The following SGCZ variants were observed in gnomAD, a reference collection of about 807,000 sequenced individuals.
SGCZ encodes the protein sarcoglycan zeta.
In SGCZ, 40 loss-of-function variants were observed where a neutral mutation model predicts 41.3. The observed-to-expected ratio is 0.97, with a 90% CI of 0.75 to 1.26. The LOEUF (loss-of-function observed/expected upper bound fraction) is 1.26, where lower values mean the gene tolerates loss of function less well. SGCZ is among the 50% of genes most tolerant of loss of function. The pLI, the probability that SGCZ is intolerant of heterozygous loss-of-function variation, is 0.00. For synonymous variants in SGCZ, 206 were observed against 137.5 expected (o/e 1.50, Z -3.49); for missense variants, 552 against 369.8 (o/e 1.49, Z -4.04).
intron 2 of SGCZ, among the ~76,000 whole-genome samples, chr8:14,457,889 G>C (rs1334833044): frequency 6.6e-6 from 1 of 152,114 alleles, no homozygotes; most frequent in East Asian, 1.9e-4. Flanking sequence ...CCGCGCATTG[G>C]TGGTAGTGGT....
At chr8:14,664,815 T>A (rs1426956115) in intron 1 of SGCZ, among the ~76,000 whole-genome samples, 2 of 152,174 alleles carry the variant, frequency 1.3e-5, no homozygotes. Context: ...CTGAGAAACA[T>A]GTTCAAAGAA....
rs368774583 is a variant in SGCZ, at chr8:14,146,859, G to A, written c.547+17721C>T. On this transcript the variant is annotated intron_variant, in intron 5 of 7. Coordinates refer to ENST00000382080, the MANE Select transcript of SGCZ (RefSeq NM_139167.4). ...TGCACTCCAGCCTGGGCGACAGAGC[G>A]AGACTCCGTCTCAAAAAATAAAAAT... is the stretch of plus-strand genomic sequence containing the variant. 6.1e-4 allele frequency among the ~76,000 whole-genome samples: 69 copies of A among 114,038 alleles called. 6 individuals are homozygous for A. The highest frequency in any genetic ancestry group is 9.9e-4 in the Non-Finnish European group (54 of 54,306). The allele number at this position is 114,038 out of a possible 152,430, so 74.8% of individuals were successfully genotyped here.
intron 1 of SGCZ, among the ~76,000 whole-genome samples, chr8:15,101,328 T>C (rs1480188670): frequency 6.6e-6 from 1 of 152,116 alleles, no homozygotes; most frequent in African/African-American, 2.4e-5. Context: ...GAAAACATTT[T>C]AAAACTCATG....
chr8:14,971,926 G>C (rs957478927), intron 1 of SGCZ, among the ~76,000 whole-genome samples: 7 of 151,926 alleles, frequency 4.6e-5, no homozygotes, highest in Non-Finnish European at 7.4e-5. Flanking sequence ...ATATACTTTT[G>C]CATGCTATTT....
intron 2 of SGCZ, among the ~76,000 whole-genome samples, chr8:14,497,254 C>T (rs1305330736): frequency 6.6e-6 from 1 of 152,148 alleles, no homozygotes; most frequent in Non-Finnish European, 1.5e-5. Context: ...GACATCTGTT[C>T]TTGGCAAGGC....
At chr8:14,764,850 TC>T (rs1162100302) in intron 1 of SGCZ, among the ~76,000 whole-genome samples, 4 of 152,336 alleles carry the variant, frequency 2.6e-5, no homozygotes, top group Non-Finnish European at 4.4e-5. Context: ...GTATTATTTT[TC>T]TTAAGAAATA....
At chr8:14,123,974 T>C (rs555882255) in intron 5 of SGCZ, among the ~76,000 whole-genome samples, 1 of 152,084 alleles carries the variant, frequency 6.6e-6, no homozygotes, top group East Asian at 1.9e-4. Context: ...GTTGTTAACT[T>C]TGAAGATAGA....
intron 4 of SGCZ, among the ~76,000 whole-genome samples, chr8:14,191,984 A>C (rs1287927981): frequency 6.6e-6 from 1 of 152,140 alleles, no homozygotes; most frequent in Non-Finnish European, 1.5e-5. Flanking sequence ...GATATTTCTT[A>C]ATAACCCTTT....
At chr8:15,068,883 T>C (rs914051000) in intron 1 of SGCZ, among the ~76,000 whole-genome samples, 2 of 152,218 alleles carry the variant, frequency 1.3e-5, no homozygotes, top group African/African-American at 4.8e-5. Context: ...CCAACATTTC[T>C]GTATAGTATT....
intron 1 of SGCZ, among the ~76,000 whole-genome samples, chr8:14,820,996 A>G (rs931549241): frequency 2.0e-5 from 3 of 151,888 alleles, no homozygotes; most frequent in Admixed American, 6.5e-5. Flanking sequence ...GAGCAGAGAT[A>G]AGTAAAATAG....
intron 3 of SGCZ, among the ~76,000 whole-genome samples, chr8:14,279,855 T>A (rs1800361759): frequency 6.6e-6 from 1 of 151,948 alleles, no homozygotes; most frequent in Non-Finnish European, 1.5e-5. Context: ...TTTTCTAATT[T>A]AGTCCTTAGA....
At chr8:14,104,609 C>G (rs962057995) in intron 6 of SGCZ, among the ~76,000 whole-genome samples, 4 of 152,096 alleles carry the variant, frequency 2.6e-5, no homozygotes, top group Non-Finnish European at 4.4e-5. Flanking sequence ...AAATACCCTA[C>G]TTTATCATTA....
chr8:14,697,204 G>A (rs1585190266), intron 1 of SGCZ, among the ~76,000 whole-genome samples: 1 of 152,064 alleles, frequency 6.6e-6, no homozygotes, highest in East Asian at 1.9e-4. Flanking sequence ...GGTCACTATA[G>A]AATTTGGAGA....
intron 2 of SGCZ, among the ~76,000 whole-genome samples, chr8:14,476,930 G>A (rs1429753174): frequency 3.3e-5 from 5 of 152,112 alleles, no homozygotes; most frequent in African/African-American, 1.2e-4. Context: ...TCCCCTCGTT[G>A]TGCTTTCCAA....
At chr8:14,185,164 G>A (rs1804861827) in intron 4 of SGCZ, among the ~76,000 whole-genome samples, 2 of 152,080 alleles carry the variant, frequency 1.3e-5, no homozygotes, top group African/African-American at 2.4e-5. Context: ...CACTTTGGGA[G>A]GCCAAGAGGG....
At chr8:15,217,899 C>A (rs1293435784) in intron 1 of SGCZ, among the ~76,000 whole-genome samples, 5 of 152,040 alleles carry the variant, frequency 3.3e-5, no homozygotes, top group Non-Finnish European at 7.4e-5. Context: ...ACCAGGCTGG[C>A]CAAATGGTGA....
chr8:14,243,611 C>G (rs1340845155), intron 3 of SGCZ, among the ~76,000 whole-genome samples: 1 of 152,174 alleles, frequency 6.6e-6, no homozygotes, highest in Non-Finnish European at 1.5e-5. Context: ...CACCTCACTT[C>G]CGTCATTTAA....
intron 1 of SGCZ, among the ~76,000 whole-genome samples, chr8:14,645,484 GTATA>G (rs71209072): frequency 7.4e-6 from 1 of 135,792 alleles, no homozygotes; most frequent in Non-Finnish European, 1.6e-5. Flanking sequence ...ATATTTATAT[GTATA>G]TATATATATA....
At chr8:14,875,614 G>A (rs1804328047) in intron 1 of SGCZ, among the ~76,000 whole-genome samples, 1 of 152,072 alleles carries the variant, frequency 6.6e-6, no homozygotes, top group African/African-American at 2.4e-5. Flanking sequence ...TTTGGACTGT[G>A]GTTTTCTCAT....
Sources: allele counts gnomAD v4.1 joint callset (sites outside exome capture counted in the v4.1 genomes callset), GRCh38; gene constraint gnomAD v4.1.1; transcripts MANE v1.5; gene names NCBI Gene and HGNC (gene_info 2026-07-23, HGNC 2026-07-21).